RAD51B: variants seen among roughly 807,000 people sequenced by gnomAD.
RAD51B encodes the protein DNA repair protein RAD51 homolog 2.
A neutral mutation model predicts 42.2 loss-of-function variants in RAD51B; 38 were observed. That is an observed-to-expected ratio of 0.90 (90% confidence interval 0.70 to 1.18). The LOEUF (loss-of-function observed/expected upper bound fraction) is 1.18, where lower values mean the gene tolerates loss of function less well. Ranked by LOEUF, RAD51B falls within the 50% of genes most tolerant of loss-of-function variation. RAD51B has a pLI of 0.00. For missense variants in RAD51B, 373 were observed against 400.7 expected (o/e 0.93, Z 0.59); for synonymous variants, 154 against 145.2 (o/e 1.06, Z -0.43).
intron 7 of RAD51B, among the ~76,000 whole-genome samples, chr14:68,099,154 T>C (rs1595394690): frequency 6.6e-6 from 1 of 152,214 alleles, no homozygotes; most frequent in African/African-American, 2.4e-5. Context: ...CAGCTGCTAA[T>C]CACTTCCTAC....
At chr14:67,855,334 C>T (rs1566925743) in intron 4 of RAD51B, among the ~76,000 whole-genome samples, 1 of 151,856 alleles carries the variant, frequency 6.6e-6, no homozygotes, top group East Asian at 1.9e-4. Flanking sequence ...GGGTTCATGC[C>T]ATTCTCCTGC....
chr14:68,113,208 T>C (rs1408067837), intron 7 of RAD51B, among the ~76,000 whole-genome samples: 1 of 152,112 alleles, frequency 6.6e-6, no homozygotes. Context: ...AGACACTATA[T>C]TGAAAGCTGT....
At chr14:67,999,477 C>T (rs1342541802) in intron 7 of RAD51B, among the ~76,000 whole-genome samples, 5 of 152,144 alleles carry the variant, frequency 3.3e-5, no homozygotes, top group Non-Finnish European at 5.9e-5. Context: ...GGTATATAAA[C>T]AACACATTCC....
At chr14:67,880,728 A>G (rs2042879010) in intron 5 of RAD51B, among the ~76,000 whole-genome samples, 1 of 151,284 alleles carries the variant, frequency 6.6e-6, no homozygotes, top group Non-Finnish European at 1.5e-5. Flanking sequence ...TTGTCTGGTA[A>G]TTTTTCAATT....
chr14:68,579,116 C>T (rs1172800808), intron 10 of RAD51B, among the ~76,000 whole-genome samples: 1 of 152,188 alleles, frequency 6.6e-6, no homozygotes, highest in African/African-American at 2.4e-5. Flanking sequence ...GACGACACCA[C>T]CAATTTTCCT....
Position 68,176,539 on chromosome 14 carries a change from A to G in RAD51B, c.757-115345A>G, listed in dbSNP as rs552139169. Among the ~76,000 whole-genome samples the G allele has an allele frequency of 4.6e-5, 7 of 152,278 alleles. No homozygotes were observed. In the East Asian group the frequency reaches 9.6e-4, roughly 21 times the overall value. ...TCAATCATCATTAGATGATTTCTCTATGAGGAAATGAGGATCATGATGTCT... is the reference window on the plus strand; with the variant it reads ...TCAATCATCATTAGATGATTTCTCTGTGAGGAAATGAGGATCATGATGTCT... On this transcript the variant is annotated intron_variant, in intron 7 of 10. Transcript: ENST00000471583.
chr14:67,960,066 C>A (rs181336605), intron 7 of RAD51B, among the ~76,000 whole-genome samples: 253 of 146,952 alleles, frequency 1.7e-3, no homozygotes, highest in Non-Finnish European at 2.2e-3. Flanking sequence ...GCCTGGGCAA[C>A]AGAGCAAGAC....
rs546154741 is a variant in RAD51B at position 67,885,817 on chromosome 14, G to A, written c.453-52G>A. 8.4e-5 allele frequency: 130 copies of A among 1,541,018 alleles called. 3 individuals are homozygous for A. The South Asian group carries it at 1.5e-3, about 18-fold the overall frequency. ...AAATTAATTAGAGATTCAGCAATGT[G>A]GCTTTAAGTAGAATTGACTGTTTTC... On this transcript the variant is annotated intron_variant, in intron 5 of 10. Transcript: ENST00000471583.
Position 67,950,988 on chromosome 14 carries a change from G to A in RAD51B, c.756+63784G>A, listed in dbSNP as rs186811824. On this transcript the variant is annotated intron_variant, in intron 7 of 10. Transcript: ENST00000471583. ...ATCTATTAGGTTTGACATCGTACAG[G>A]AGTGTGGTTGGTGGTACCTTAATAG... Among the ~76,000 whole-genome samples the A allele has an allele frequency of 1.4e-4, 21 of 152,296 alleles. No individual in the cohort carries two copies. The East Asian group carries it at 4.0e-3, about 29-fold the overall frequency.
At chr14:68,544,479 G>A (rs894017603) in intron 10 of RAD51B, among the ~76,000 whole-genome samples, 6 of 152,192 alleles carry the variant, frequency 3.9e-5, no homozygotes, top group African/African-American at 1.4e-4. Flanking sequence ...GTGATCTGAC[G>A]CAGCAAGCAG....
In RAD51B at chr14:68,640,022, G is replaced by T. The variant is rs141117604; in HGVS notation, c.1037-10759G>T. On this transcript the variant is annotated intron_variant, in intron 10 of 11. Coordinates refer to the RAD51B transcript ENST00000488612. ...TCACCACGTTGGCCAGGCTGGTCTG[G>T]ATCTCCTGACCTCAAGTGATCCACC... is the stretch of plus-strand genomic sequence containing the variant. Among the ~76,000 whole-genome samples, 680 of 152,146 alleles carry T rather than the reference G, an allele frequency of 4.5e-3. 14 individuals are homozygous for T. The highest frequency in any genetic ancestry group is 0.02 in the East Asian group (103 of 5,178).
intron 10 of RAD51B, among the ~76,000 whole-genome samples, chr14:68,629,540 A>G (rs146821247): frequency 6.6e-6 from 1 of 152,292 alleles, no homozygotes; most frequent in Non-Finnish European, 1.5e-5. Context: ...CTTGCGAACA[A>G]AGCTTTCATA....
At chr14:67,879,979 G>A (rs1190061975) in intron 5 of RAD51B, among the ~76,000 whole-genome samples, 1 of 152,098 alleles carries the variant, frequency 6.6e-6, no homozygotes, top group Non-Finnish European at 1.5e-5. Context: ...CTATTCATCT[G>A]TCTTAGGCTC....
At chr14:68,067,083 G>A (rs2076662484) in intron 7 of RAD51B, among the ~76,000 whole-genome samples, 1 of 152,132 alleles carries the variant, frequency 6.6e-6, no homozygotes, top group Non-Finnish European at 1.5e-5. Flanking sequence ...TACCTTGTAG[G>A]TGCAGAGAAA....
At chr14:68,605,218 C>T (rs1017006813) in intron 10 of RAD51B, among the ~76,000 whole-genome samples, 6 of 150,598 alleles carry the variant, frequency 4.0e-5, no homozygotes, top group East Asian at 1.9e-4. Context: ...CTTCTCGATG[C>T]ACTGAGGGAG....
rs117076711 is a variant in RAD51B at position 68,405,008 on chromosome 14, G to A, written c.854-6416G>A. Among the ~76,000 whole-genome samples, 25 of 152,316 alleles carry A rather than the reference G, an allele frequency of 1.6e-4. No individual in the cohort carries two copies. The East Asian group carries it at 4.4e-3, about 27-fold the overall frequency. ...ATAAGCCCAGAGAAAGCTAATTGGAGTAGTGGTTAAAACTCAGTTGGCCTG... is the reference window on the plus strand; with the variant it reads ...ATAAGCCCAGAGAAAGCTAATTGGAATAGTGGTTAAAACTCAGTTGGCCTG... On this transcript the variant is annotated intron_variant, in intron 8 of 10. Coordinates refer to ENST00000471583, the MANE Select transcript of RAD51B (RefSeq NM_133510.4).
chr14:68,039,870 G>A (rs1338741389), intron 7 of RAD51B, among the ~76,000 whole-genome samples: 1 of 152,138 alleles, frequency 6.6e-6, no homozygotes, highest in Non-Finnish European at 1.5e-5. Flanking sequence ...CCATCTCTTT[G>A]ACCACAAATT....
chr14:68,568,870 G>C (rs2140035340), intron 10 of RAD51B, among the ~76,000 whole-genome samples: 1 of 152,204 alleles, frequency 6.6e-6, no homozygotes, highest in Admixed American at 6.5e-5. Flanking sequence ...CTGGTTAATT[G>C]ATAAAACCCA....
intron 7 of RAD51B, among the ~76,000 whole-genome samples, chr14:67,928,677 A>G (rs2044618861): frequency 6.6e-6 from 1 of 151,924 alleles, no homozygotes; most frequent in Admixed American, 6.6e-5. Flanking sequence ...TGTTGGGTGG[A>G]CCTAGTTTCT....
Sources: gnomAD v4.1 joint callset for allele counts (sites outside exome capture counted in the v4.1 genomes callset) on GRCh38, gnomAD v4.1.1 for gene constraint, MANE v1.5 for transcripts, NCBI Gene and HGNC (gene_info 2026-07-23, HGNC 2026-07-21) for gene names.